Variants in PRKAG2 observed in about 807,000 individuals in gnomAD.
The protein encoded by PRKAG2 is 5'-AMP-activated protein kinase subunit gamma-2.
PRKAG2 carries 26 observed loss-of-function variants against 69.6 expected under a neutral mutation model. The ratio of observed to expected loss-of-function variants is 0.37; its 90% CI spans 0.27 to 0.52. PRKAG2 has a LOEUF of 0.52. PRKAG2 is among the 20% of genes least tolerant of loss of function. The pLI, the probability that PRKAG2 is intolerant of heterozygous loss-of-function variation, is 0.90. For missense variants in PRKAG2, 557 were observed against 740.0 expected (o/e 0.75, Z 2.87); for synonymous variants, 293 against 285.0 (o/e 1.03, Z -0.28).
chr7:151,834,015 T>A, intron 1 of PRKAG2, among the ~76,000 whole-genome samples: 1 of 152,138 alleles, frequency 6.6e-6, no homozygotes, highest in Non-Finnish European at 1.5e-5. Context: ...TGAATCTACT[T>A]AAAAAGTTAC....
intron 15 of PRKAG2, 67 bp from the exon 16 acceptor site, chr7:151,557,299 T>C: frequency 6.2e-7 from 1 of 1,613,342 alleles, no homozygotes; most frequent in Non-Finnish European, 8.5e-7. Context: ...ACCCCAGGGG[T>C]TTCTACCTGT....
At chr7:151,757,380 C>G (rs922245102) in intron 3 of PRKAG2, among the ~76,000 whole-genome samples, 1 of 152,178 alleles carries the variant, frequency 6.6e-6, no homozygotes, top group Admixed American at 6.5e-5. Flanking sequence ...CTGAAAGACT[C>G]ATTCGAATTT....
At chr7:151,875,022 G>C (rs1373860555) in intron 1 of PRKAG2, among the ~76,000 whole-genome samples, 1 of 152,260 alleles carries the variant, frequency 6.6e-6, no homozygotes, top group Admixed American at 6.5e-5. Flanking sequence ...GTTAGCTCAA[G>C]TGATCACTGT....
At chr7:151,785,965 C>T (rs561728731) in intron 2 of PRKAG2, among the ~76,000 whole-genome samples, 2 of 151,962 alleles carry the variant, frequency 1.3e-5, no homozygotes, top group Non-Finnish European at 2.9e-5. Context: ...GGAGGGACGG[C>T]GAGGAGCTAA....
intron 1 of PRKAG2, among the ~76,000 whole-genome samples, chr7:151,875,567 GTGTGTGT>G (rs2080371912): frequency 4.0e-4 from 15 of 37,576 alleles, no homozygotes; most frequent in Non-Finnish European, 7.5e-4. Flanking sequence ...ACTCTGGTGT[GTGTGTGT>G]GTGTGTGTGT....
chr7:151,732,429 G>A (rs989079690), intron 3 of PRKAG2, among the ~76,000 whole-genome samples: 2 of 152,092 alleles, frequency 1.3e-5, no homozygotes, highest in South Asian at 2.1e-4. Context: ...ATGAGCCACC[G>A]AACCCAGCCC....
chr7:151,557,374 G>A, intron 15 of PRKAG2, 142 bp from the exon 16 acceptor site: 2 of 1,595,416 alleles, frequency 1.3e-6, no homozygotes, highest in East Asian at 2.2e-5. Context: ...GAAGGAGCAG[G>A]TGGCCCAAGC....
rs559561610 is a variant in PRKAG2 at position 151,860,360 on chromosome 7, G to A, written c.114+16147C>T. Among the ~76,000 whole-genome samples, 29 of 152,118 alleles carry A rather than the reference G, an allele frequency of 1.9e-4. 1 individual carries two copies. The South Asian group carries it at 5.4e-3, about 28-fold the overall frequency. On this transcript the variant is annotated intron_variant, in intron 1 of 15. Coordinates refer to ENST00000287878, the MANE Select transcript of PRKAG2 (RefSeq NM_016203.4). Reference sequence around the variant, plus strand: ...ATCTCACTCCTCCAATACCACACACGGCCACCTGCATCTCTACATTGCTTG... The same window carrying A: ...ATCTCACTCCTCCAATACCACACACAGCCACCTGCATCTCTACATTGCTTG...
Position 151,624,183 on chromosome 7 carries a change from T to A in PRKAG2, c.754+7886A>T, listed in dbSNP as rs868504402. Among the ~76,000 whole-genome samples the A allele has an allele frequency of 8.0e-3, 1,211 of 151,402 alleles. 14 individuals are homozygous for A. The highest frequency in any genetic ancestry group is 0.031 in the Middle Eastern group (9 of 292). ...GTGTGTGTGTACATATATATATATT[T>A]TTTTTTTCAGATAAGGTCTTGCTCT... is the stretch of plus-strand genomic sequence containing the variant. On this transcript the variant is annotated intron_variant, in intron 5 of 15. Coordinates refer to ENST00000287878, the MANE Select transcript of PRKAG2 (RefSeq NM_016203.4).
At chr7:151,622,959 A>C (rs1007738942) in intron 5 of PRKAG2, among the ~76,000 whole-genome samples, 1 of 152,048 alleles carries the variant, frequency 6.6e-6, no homozygotes, top group Non-Finnish European at 1.5e-5. Context: ...GTGGTCCCCA[A>C]CCTTTTTGGG....
intron 6 of PRKAG2, among the ~76,000 whole-genome samples, chr7:151,590,963 G>A (rs1399353260): frequency 6.6e-6 from 1 of 152,220 alleles, no homozygotes; most frequent in Non-Finnish European, 1.5e-5. Flanking sequence ...TGTTTAATGA[G>A]GCTGAGATGC....
intron 5 of PRKAG2, among the ~76,000 whole-genome samples, chr7:151,597,832 G>A (rs56186253): frequency 0.081 from 5,328 of 66,002 alleles, 403 homozygotes; most frequent in African/African-American, 0.21. Flanking sequence ...CCCCCCCCCC[G>A]CTCTTTTATT....
At chr7:151,586,453 G>T (rs1457697525) in intron 6 of PRKAG2, among the ~76,000 whole-genome samples, 2 of 151,850 alleles carry the variant, frequency 1.3e-5, no homozygotes, top group African/African-American at 4.8e-5. Context: ...TTTTATCTCT[G>T]GCCTCCGAAA....
chr7:151,775,214 C>T (rs561523244), intron 3 of PRKAG2, among the ~76,000 whole-genome samples: 24 of 152,356 alleles, frequency 1.6e-4, no homozygotes, highest in East Asian at 1.2e-3. Flanking sequence ...TGGAACTTCC[C>T]GCCCTACCTC....
chr7:151,756,411 C>T lies in PRKAG2; in HGVS notation c.466+24741G>A, dbSNP rs2151748021. On this transcript the variant is annotated intron_variant, in intron 3 of 15. Transcript: ENST00000287878. The surrounding 1 kb of genome is among the most constrained non-coding windows in gnomAD (Gnocchi z 4.9). ...GATGGATTTGTGGGTGCATCTCGGG[C>T]ACCCCGCTCAGCACATGGCTCAGGC... Among the ~76,000 whole-genome samples the T allele has an allele frequency of 6.6e-6, 1 of 152,332 alleles. No individual in the cohort carries two copies. The highest frequency in any genetic ancestry group is 1.5e-5 in the Non-Finnish European group (1 of 68,022).
chr7:151,662,389 T>A (rs1250834756), intron 4 of PRKAG2, among the ~76,000 whole-genome samples: 2 of 152,166 alleles, frequency 1.3e-5, no homozygotes, highest in African/African-American at 4.8e-5. Context: ...TCATCCTTCC[T>A]TTCATGCCAG....
chr7:151,664,894 T>C (rs1213184554), intron 4 of PRKAG2, among the ~76,000 whole-genome samples: 1 of 152,060 alleles, frequency 6.6e-6, no homozygotes, highest in Non-Finnish European at 1.5e-5. Context: ...ATCGTCATGG[T>C]TAAGGGATGC....
chr7:151,755,675 G>T (rs1038515007), intron 3 of PRKAG2, among the ~76,000 whole-genome samples: 1 of 152,188 alleles, frequency 6.6e-6, no homozygotes, highest in Non-Finnish European at 1.5e-5. Flanking sequence ...CTATGGCTTC[G>T]TAGTTGCAAA....
chr7:151,655,937 AT>A (rs1424060596), intron 4 of PRKAG2, among the ~76,000 whole-genome samples: 1 of 152,226 alleles, frequency 6.6e-6, no homozygotes, highest in Non-Finnish European at 1.5e-5. Context: ...GTGAAAATTC[AT>A]TTAGTTATTT....
Sources: allele counts gnomAD v4.1 joint callset (sites outside exome capture counted in the v4.1 genomes callset), GRCh38; gene constraint gnomAD v4.1.1; non-coding constraint Gnocchi (gnomAD v3.1); transcripts MANE v1.5; gene names NCBI Gene and HGNC (gene_info 2026-07-23, HGNC 2026-07-21).